Variants in COPG1 observed in about 807,000 individuals in gnomAD.
The protein encoded by COPG1 is coat protein complex I subunit gamma 1.
A neutral mutation model predicts 102.8 loss-of-function variants in COPG1; 29 were observed. The observed-to-expected ratio is 0.28, with a 90% CI of 0.21 to 0.38. COPG1 has a LOEUF of 0.38. Ranked by LOEUF, COPG1 falls within the 10% of genes least tolerant of loss-of-function variation. The pLI is 1.00. For synonymous variants in COPG1, 406 were observed against 421.6 expected, an observed-to-expected ratio of 0.96 and a Z score of 0.45; for missense variants, 875 against 1,132.7, an observed-to-expected ratio of 0.77 and a Z score of 3.27.
At position 129,275,230 on chromosome 3, in the gene COPG1, A is replaced by G; in HGVS notation, c.2432A>G (p.His811Arg). Residue 811 changes from histidine to arginine, a missense_variant, in exon 23 of 24, where the codon CAC becomes CGC. Transcript: ENST00000314797. The surrounding 1 kb of genome is among the most constrained non-coding windows in gnomAD (Gnocchi z 5.0). ...AATATTGTGAAGTTCTTGGGAATGCACCCTTGTGAGAGGTCAGACAAAGTG... is the reference window on the plus strand; with the variant it reads ...AATATTGTGAAGTTCTTGGGAATGCGCCCTTGTGAGAGGTCAGACAAAGTG... ...VGNIVKFLGM[H>R]PCERSDKVPD... 1 of 1,614,138 alleles carries G rather than the reference A, an allele frequency of 6.2e-7. No individual in the cohort carries two copies. Among genetic ancestry groups the G allele is most frequent in the South Asian group, 1.1e-5 (1 of 91,072 alleles).
At chr3:129,270,849 G>A (rs182495540) in intron 18 of COPG1, among the ~76,000 whole-genome samples, 116 of 152,326 alleles carry the variant, frequency 7.6e-4, no homozygotes, top group African/African-American at 2.7e-3. Context: ...GAAAATCTTA[G>A]AGCAGTGGTC....
rs372813357 is a variant in COPG1, at chr3:129,252,642, C to T, written c.191C>T (p.Thr64Met). The change falls in exon 4 of 24, where the codon ACG becomes ATG. Residue 64 changes from threonine (T) to methionine (M), a missense_variant. Physicochemically the swap from Thr to Met is moderately conservative, Grantham distance 81. Coordinates refer to ENST00000314797, the MANE Select transcript of COPG1 (RefSeq NM_016128.4). The stretch of plus-strand genomic sequence containing the variant: ...ACACAGGGGGAGCACCTGGGGACCA[C>T]GGAAGCGACCGAGGCCTTCTTTGCC... ...LINQGEHLGTTEATEAFFAMT... is the reference protein window; with the variant it reads ...LINQGEHLGTMEATEAFFAMT... 105 of 1,613,986 alleles carry T rather than the reference C, an allele frequency of 6.5e-5. No individual in the cohort carries two copies. The highest frequency in any genetic ancestry group is 3.7e-4 in the South Asian group (34 of 91,084).
intron 15 of COPG1, 43 bp downstream of exon 15, chr3:129,267,142 T>C (rs745957753): frequency 4.7e-6 from 7 of 1,486,940 alleles, no homozygotes; most frequent in Non-Finnish European, 5.6e-6. Context: ...AGTGTTCCCT[T>C]GGACCCAAGC....
intron 8 of COPG1, among the ~76,000 whole-genome samples, 165 bp from the exon 9 acceptor site, chr3:129,257,305 C>T (rs1006388812): frequency 2.0e-5 from 3 of 152,164 alleles, no homozygotes; most frequent in Non-Finnish European, 4.4e-5. Context: ...GTGTGGAGGG[C>T]TGTGTACACA....
intron 12 of COPG1, among the ~76,000 whole-genome samples, chr3:129,261,093 T>C (rs760202340): frequency 3.3e-5 from 5 of 152,254 alleles, no homozygotes; most frequent in African/African-American, 4.8e-5. Context: ...GAGCACTTGC[T>C]GTCTGCTATG....
chr3:129,255,106 G>C (rs1010672785), intron 7 of COPG1, 29 bp downstream of exon 7: 55 of 1,481,006 alleles, frequency 3.7e-5, no homozygotes, highest in Non-Finnish European at 5.1e-5. Flanking sequence ...AGCCCTGCTG[G>C]GGGTGGGGTA....
At chr3:129,252,825 C>T in intron 4 of COPG1, 51 bp from the exon 5 acceptor site, 1 of 1,591,438 alleles carries the variant, frequency 6.3e-7, no homozygotes, top group Non-Finnish European at 8.6e-7. Context: ...TCTCCCAACT[C>T]TGGCCCTTGG....
At chr3:129,249,791 C>T (rs1939653210) in intron 1 of COPG1, 45 bp downstream of exon 1, 6 of 1,534,522 alleles carry the variant, frequency 3.9e-6, no homozygotes, top group Non-Finnish European at 5.3e-6. Flanking sequence ...GACCCCCACC[C>T]GCCGAGCTTT....
rs931727096 is a variant in COPG1 at position 129,263,982 on chromosome 3, A to G, written c.1207A>G (p.Thr403Ala). 5 of 1,614,110 alleles carry G rather than the reference A, an allele frequency of 3.1e-6. No homozygotes were observed. Among genetic ancestry groups the G allele is most frequent in the Non-Finnish European group, 4.2e-6 (5 of 1,179,990 alleles). ...CGCCGTCCTTATGAACTTCCTGTTC[A>G]CCATGCTGCGGGAAGAGGTAAGAGT... ...KHAVLMNFLF[T>A]MLREEGGFEY... Residue 403 changes from threonine (T) to alanine (A), a missense_variant, in exon 13 of 24, where the codon ACC becomes GCC. Coordinates refer to ENST00000314797, the MANE Select transcript of COPG1 (RefSeq NM_016128.4).
At chr3:129,270,114 C>T (rs1341542538) in intron 18 of COPG1, among the ~76,000 whole-genome samples, 1 of 149,922 alleles carries the variant, frequency 6.7e-6, no homozygotes, top group African/African-American at 2.5e-5. Flanking sequence ...ACTGGCCCCC[C>T]CTGGATAATC....
Position 129,252,632 on chromosome 3 carries a change from C to T in COPG1, c.181C>T (p.Leu61=). 2 of 1,613,966 alleles carry T rather than the reference C, an allele frequency of 1.2e-6. No homozygotes were observed. The highest frequency in any genetic ancestry group is 1.7e-6 in the Non-Finnish European group (2 of 1,179,870). Residue 61 remains leucine, a synonymous_variant, in exon 4 of 24, where the codon CTG becomes TTG. Coordinates refer to ENST00000314797, the MANE Select transcript of COPG1 (RefSeq NM_016128.4). ...ILYLINQGEH[L]GTTEATEAFF... Reference sequence around the variant, plus strand: ...TTCTTGATTAACACAGGGGGAGCACCTGGGGACCACGGAAGCGACCGAGGC... The same window carrying T: ...TTCTTGATTAACACAGGGGGAGCACTTGGGGACCACGGAAGCGACCGAGGC...
intron 12 of COPG1, among the ~76,000 whole-genome samples, chr3:129,261,315 C>T (rs1055736782): frequency 1.3e-5 from 2 of 152,068 alleles, no homozygotes; most frequent in East Asian, 3.9e-4. Flanking sequence ...TGGAGGGTGA[C>T]ATTTGAGCTC....
At position 129,252,668 on chromosome 3, in the gene COPG1, A is replaced by G; in HGVS notation, c.217A>G (p.Met73Val). 4 of 1,614,186 alleles carry G rather than the reference A, an allele frequency of 2.5e-6. No homozygotes were observed. Among genetic ancestry groups the G allele is most frequent in the South Asian group, 2.2e-5 (2 of 91,088 alleles). The change falls in exon 4 of 24, where the codon ATG becomes GTG. Residue 73 changes from methionine (M) to valine (V), a missense_variant. Coordinates refer to ENST00000314797, the MANE Select transcript of COPG1 (RefSeq NM_016128.4). ...GGAAGCGACCGAGGCCTTCTTTGCC[A>G]TGACCAAGCTCTTTCAGTCCAATGA... ...TTEATEAFFAMTKLFQSNDPT... is the reference protein window; with the variant it reads ...TTEATEAFFAVTKLFQSNDPT...
intron 4 of COPG1, 37 bp from the exon 5 acceptor site, chr3:129,252,839 G>C (rs780704535): frequency 6.2e-7 from 1 of 1,606,574 alleles, no homozygotes; most frequent in South Asian, 1.1e-5. Flanking sequence ...CCCTTGGTGA[G>C]CCCGGGCTGA....
chr3:129,257,347 G>A (rs1560063347), intron 8 of COPG1, 123 bp from the exon 9 acceptor site: 1 of 991,178 alleles, frequency 1.0e-6, no homozygotes, highest in East Asian at 2.4e-5. Context: ...CAGCCACTCT[G>A]TGTGGTAGCT....
intron 15 of COPG1, 55 bp from the exon 16 acceptor site, chr3:129,267,882 C>T: frequency 7.3e-7 from 1 of 1,372,600 alleles, no homozygotes; most frequent in East Asian, 2.3e-5. Context: ...ATGCAGGATC[C>T]CTCCTGCCAT....
Position 129,258,659 on chromosome 3 carries a change from T to C in COPG1, c.871+799T>C, listed in dbSNP as rs565128381. 4.6e-5 allele frequency among the ~76,000 whole-genome samples: 7 copies of C among 152,260 alleles called. No homozygotes were observed. The East Asian group carries it at 1.4e-3, about 29-fold the overall frequency. On this transcript the variant is annotated intron_variant, in intron 10 of 23. Coordinates refer to ENST00000314797, the MANE Select transcript of COPG1 (RefSeq NM_016128.4). ...TTTTAGTTGAGATGGGGTTTCACCA[T>C]ATTGGCCAGGCTGTTCTCGAACTCC...
chr3:129,265,117 G>A (rs56884471), intron 13 of COPG1, among the ~76,000 whole-genome samples: 14,595 of 150,678 alleles, frequency 0.097, 758 homozygotes, highest in Middle Eastern at 0.2. Context: ...CACTGCGCCC[G>A]GCCTCCATCT....
At position 129,274,834 on chromosome 3, in the gene COPG1, C is replaced by G. The variant is rs1940236120; in HGVS notation, c.2257-4C>G. The stretch of plus-strand genomic sequence containing the variant: ...GTGCCTGATTTCTACCTCCATCTCT[C>G]CAGCTGGAAGATCTGGAAGTTACTG... On this transcript the variant is annotated splice_region_variant and splice_polypyrimidine_tract_variant and intron_variant, in intron 21 of 23. Transcript: ENST00000314797. 1 of 1,613,920 alleles carries G rather than the reference C, an allele frequency of 6.2e-7. No individual in the cohort carries two copies. The highest frequency in any genetic ancestry group is 8.5e-7 in the Non-Finnish European group (1 of 1,179,928).
Sources: allele counts gnomAD v4.1 joint callset (sites outside exome capture counted in the v4.1 genomes callset), GRCh38; gene constraint gnomAD v4.1.1; non-coding constraint Gnocchi (gnomAD v3.1); transcripts MANE v1.5; gene names NCBI Gene and HGNC (gene_info 2026-07-23, HGNC 2026-07-21).